SCGB1D1: variants seen among roughly 807,000 people sequenced by gnomAD.
SCGB1D1 encodes lipophilin A (uteroglobin family member).
In SCGB1D1, 10 loss-of-function variants were observed where a neutral mutation model predicts 8.3. The ratio of observed to expected loss-of-function variants is 1.21; its 90% CI spans 0.74 to 2.05. The LOEUF is 2.05. Among genes scored for constraint, SCGB1D1 ranks in the 30% most tolerant of loss-of-function variants. The pLI, the probability that SCGB1D1 is intolerant of heterozygous loss-of-function variation, is 0.00. For missense variants in SCGB1D1, 94 were observed against 105.1 expected (o/e 0.89, Z 0.46); for synonymous variants, 46 against 41.7 (o/e 1.10, Z -0.39).
intron 1 of SCGB1D1, 113 bp downstream of exon 1, chr11:62,190,452 C>A: frequency 1.6e-6 from 2 of 1,284,600 alleles, no homozygotes; most frequent in Non-Finnish European, 2.2e-6. Flanking sequence ...AAATTCCAAA[C>A]CTTATCCTGT....
rs1488563915 is a variant in SCGB1D1 at position 62,192,001 on chromosome 11, A to G, written c.56-55A>G. On this transcript the variant is annotated intron_variant, in intron 1 of 2. Coordinates refer to ENST00000306238, the MANE Select transcript of SCGB1D1 (RefSeq NM_006552.2). ...CTGTCTGGTCTGACATCAGGGAGGCATGGGAGAAACACTGATTTCCTTACA... is the reference window on the plus strand; with the variant it reads ...CTGTCTGGTCTGACATCAGGGAGGCGTGGGAGAAACACTGATTTCCTTACA... 1.6e-5 allele frequency: 23 copies of G among 1,480,354 alleles called. No homozygotes were observed. In the Admixed American group the frequency reaches 3.3e-4, roughly 21 times the overall value. The allele number at this position is 1,480,354 out of a possible 1,614,324, so 91.7% of individuals were successfully genotyped here.
Position 62,190,231 on chromosome 11 carries a change from A to C in SCGB1D1, c.-54A>C, listed in dbSNP as rs1944668019. 1 of 1,611,250 alleles carries C rather than the reference A, an allele frequency of 6.2e-7. No individual in the cohort carries two copies. Among genetic ancestry groups the C allele is most frequent in the Non-Finnish European group, 8.5e-7 (1 of 1,177,610 alleles). Reference sequence around the variant, plus strand: ...ACGGCTCCACAGGCTCCCGGGGCTGAGTCTAAATCACTCATCATTGGTTAA... The same window carrying C: ...ACGGCTCCACAGGCTCCCGGGGCTGCGTCTAAATCACTCATCATTGGTTAA... On this transcript the variant is annotated 5_prime_UTR_variant, in exon 1 of 3. Transcript: ENST00000306238.
rs369847324 is a variant in SCGB1D1 at position 62,193,448 on chromosome 11, G to T, written c.*20G>T. 3.1e-6 allele frequency: 5 copies of T among 1,602,108 alleles called. No individual in the cohort carries two copies. The highest frequency in any genetic ancestry group is 4.3e-6 in the Non-Finnish European group (5 of 1,170,168). On this transcript the variant is annotated 3_prime_UTR_variant, in exon 3 of 3. Coordinates refer to ENST00000306238, the MANE Select transcript of SCGB1D1 (RefSeq NM_006552.2). Reference sequence around the variant, plus strand: ...CGCTGAGATGTAAAAAGTTTTTAATGCTAGTTTCCACCATCTTTCAATGAT... The same window carrying T: ...CGCTGAGATGTAAAAAGTTTTTAATTCTAGTTTCCACCATCTTTCAATGAT...
At chr11:62,191,182 T>G (rs1237985578) in intron 1 of SCGB1D1, among the ~76,000 whole-genome samples, 1 of 152,188 alleles carries the variant, frequency 6.6e-6, no homozygotes, top group African/African-American at 2.4e-5. Context: ...CCTGTTTCCC[T>G]GTGACACCCC....
intron 1 of SCGB1D1, among the ~76,000 whole-genome samples, 154 bp from the exon 2 acceptor site, chr11:62,191,902 G>A (rs1944680493): frequency 6.6e-6 from 1 of 152,160 alleles, no homozygotes; most frequent in Non-Finnish European, 1.5e-5. Flanking sequence ...GTGACCTCAA[G>A]GAAGTCACAA....
chr11:62,190,407 C>T (rs1944669919), intron 1 of SCGB1D1, 68 bp downstream of exon 1: 3 of 1,599,062 alleles, frequency 1.9e-6, no homozygotes, highest in Non-Finnish European at 2.6e-6. Context: ...ACGAGGTCAC[C>T]TATTAAGGTT....
At chr11:62,191,321 A>C (rs1270867156) in intron 1 of SCGB1D1, among the ~76,000 whole-genome samples, 1 of 152,156 alleles carries the variant, frequency 6.6e-6, no homozygotes, top group Non-Finnish European at 1.5e-5. Context: ...ATTCCAGACC[A>C]AGCAAAATGA....
At chr11:62,193,333 T>G in intron 2 of SCGB1D1, 66 bp from the exon 3 acceptor site, 3 of 1,458,946 alleles carry the variant, frequency 2.1e-6, no homozygotes, top group Non-Finnish European at 2.9e-6. Flanking sequence ...CACTTGGATG[T>G]TAACCTGTTG....
At chr11:62,190,365 C>T (rs1437078205) in intron 1 of SCGB1D1, 26 bp downstream of exon 1, 1 of 1,614,096 alleles carries the variant, frequency 6.2e-7, no homozygotes, top group Admixed American at 1.7e-5. Context: ...ATGAGTCCAG[C>T]ACCAGCCCTT....
At chr11:62,192,944 T>G (rs1328050746) in intron 2 of SCGB1D1, among the ~76,000 whole-genome samples, 1 of 152,194 alleles carries the variant, frequency 6.6e-6, no homozygotes, top group East Asian at 1.9e-4. Context: ...GTCCTGAGGT[T>G]TAGCTGCAAA....
chr11:62,192,189 G>A lies in SCGB1D1; in HGVS notation c.189G>A (p.Lys63=). ...LEAVAAKMEV[K]KCVDTMAYEK... is the part of the protein sequence containing the mutation. ...CTGTTGCAGCCAAGATGGAAGTGAA[G>A]AAATGCGTGGATACGATGGCCTATG... is the stretch of plus-strand genomic sequence containing the variant. The change falls in exon 2 of 3, where the codon AAG becomes AAA. Residue 63 remains lysine, a synonymous_variant. Transcript: ENST00000306238. 1 of 1,613,854 alleles carries A rather than the reference G, an allele frequency of 6.2e-7. No homozygotes were observed. The highest frequency in any genetic ancestry group is 8.5e-7 in the Non-Finnish European group (1 of 1,179,778).
chr11:62,191,037 T>C (rs1026565122), intron 1 of SCGB1D1, among the ~76,000 whole-genome samples: 2 of 152,234 alleles, frequency 1.3e-5, no homozygotes, highest in Admixed American at 1.3e-4. Flanking sequence ...CTACAATGGT[T>C]AGCCTCAGAA....
At position 62,193,433 on chromosome 11, in the gene SCGB1D1, T is replaced by A. The variant is rs774682190; in HGVS notation, c.*5T>A. Reference sequence around the variant, plus strand: ...GCAGAGAAATGTGATCGCTGAGATGTAAAAAGTTTTTAATGCTAGTTTCCA... The same window carrying A: ...GCAGAGAAATGTGATCGCTGAGATGAAAAAAGTTTTTAATGCTAGTTTCCA... On this transcript the variant is annotated 3_prime_UTR_variant, in exon 3 of 3. Transcript: ENST00000306238. 48 of 1,611,508 alleles carry A rather than the reference T, an allele frequency of 3.0e-5. No individual in the cohort carries two copies. Among genetic ancestry groups the A allele is most frequent in the Non-Finnish European group, 4.0e-5 (47 of 1,178,404 alleles).
chr11:62,193,369 C>T (rs774907928), intron 2 of SCGB1D1, 30 bp from the exon 3 acceptor site: 4 of 1,610,108 alleles, frequency 2.5e-6, no homozygotes, highest in Admixed American at 1.7e-5. Flanking sequence ...TGACCGACCT[C>T]ACCTTCCTTT....
At chr11:62,192,892 G>C (rs1056267984) in intron 2 of SCGB1D1, among the ~76,000 whole-genome samples, 9 of 152,232 alleles carry the variant, frequency 5.9e-5, no homozygotes, top group African/African-American at 2.2e-4. Flanking sequence ...AGAAATCAGA[G>C]GTTTTCCAGG....
Position 62,192,244 on chromosome 11 carries a change from G to T in SCGB1D1, c.243+1G>T, listed in dbSNP as rs773728504. ...AAGAGTGCTAATTACAAAAACATTG[G>T]TAATTTCTGTCTCTTTCATGTGTCC... On this transcript the variant is annotated splice_donor_variant, in intron 2 of 2. Coordinates refer to ENST00000306238, the MANE Select transcript of SCGB1D1 (RefSeq NM_006552.2). LOFTEE classifies it high-confidence loss of function. The T allele has an allele frequency of 6.3e-7, 1 of 1,597,630 alleles. No homozygotes were observed. Among genetic ancestry groups the T allele is most frequent in the Admixed American group, 1.7e-5 (1 of 59,158 alleles).
intron 1 of SCGB1D1, 82 bp from the exon 2 acceptor site, chr11:62,191,974 T>G: frequency 8.0e-7 from 1 of 1,256,732 alleles, no homozygotes. Context: ...ACCCTGGGGT[T>G]CCTGTCTGGT....
intron 2 of SCGB1D1, 121 bp downstream of exon 2, chr11:62,192,364 C>T (rs1230029522): frequency 3.5e-5 from 30 of 847,272 alleles, no homozygotes; most frequent in Admixed American, 7.1e-5. Flanking sequence ...TACTGGTCAC[C>T]GCTTGAGAAG....
intron 1 of SCGB1D1, among the ~76,000 whole-genome samples, chr11:62,191,002 T>C (rs1372400610): frequency 6.6e-6 from 1 of 152,160 alleles, no homozygotes; most frequent in Non-Finnish European, 1.5e-5. Flanking sequence ...CTTCTAGGGG[T>C]CCTACCGTAA....
Sources: allele counts gnomAD v4.1 joint callset (sites outside exome capture counted in the v4.1 genomes callset), GRCh38; gene constraint gnomAD v4.1.1; transcripts MANE v1.5; gene names NCBI Gene and HGNC (gene_info 2026-07-23, HGNC 2026-07-21).